The following FLG variants were observed in gnomAD, a reference collection of about 807,000 sequenced individuals.
The protein encoded by FLG is filaggrin, also known as epidermal filaggrin.
Under a neutral mutation model 3.8 loss-of-function variants are expected in FLG, and 6 were observed. The observed-to-expected ratio is 1.60, with a 90% CI of 0.87 to 3.15. The LOEUF (loss-of-function observed/expected upper bound fraction) is 3.15. Ranked by LOEUF, FLG falls within the 30% of genes most tolerant of loss-of-function variation. The probability of loss-of-function intolerance (pLI) is 0.00; values close to 1 mark genes in which losing one functional copy is unlikely to be tolerated. For synonymous variants in FLG, 2,551 were observed against 1,931.6 expected (o/e 1.32, Z -8.41); for missense variants, 7,595 against 5,050.9 (o/e 1.50, Z -15.27).
At position 152,309,971 on chromosome 1, in the gene FLG, C is replaced by G. The variant is rs1395333375; in HGVS notation, c.4915G>C (p.Asp1639His). 10 of 1,613,982 alleles carry G rather than the reference C, an allele frequency of 6.2e-6. No homozygotes were observed. Among genetic ancestry groups the G allele is most frequent in the Non-Finnish European group, 8.5e-6 (10 of 1,180,036 alleles). ...GSRNPRSHQE[D>H]RASHGHSAES... ...GCAGAGTGCCCATGACTGGCTCTAT[C>G]TTCTTGATGGGACCTGGGGTTCCTG... is the stretch of plus-strand genomic sequence containing the variant. Residue 1639 changes from aspartate (D) to histidine (H), a missense_variant, in exon 3 of 3, where the codon GAT (aspartate) becomes CAT (histidine). By Grantham distance (81) the Asp-to-His change is moderately conservative (BLOSUM62 -1). Coordinates refer to ENST00000368799, the MANE Select transcript of FLG (RefSeq NM_002016.2).
At position 152,307,634 on chromosome 1, in the gene FLG, C is replaced by T. The variant is rs138488969; in HGVS notation, c.7252G>A (p.Val2418Met). The change falls in exon 3 of 3, where the codon GTG becomes ATG. Residue 2418 changes from valine to methionine, a missense_variant. Val to Met is a conservative substitution (Grantham distance 21, BLOSUM62 1). Coordinates refer to ENST00000368799, the MANE Select transcript of FLG (RefSeq NM_002016.2). ...GACTCAGACTGTTCATGAGTGCTCA[C>T]CTGGTAGAGGAAAGACCCTGAACGT... is the stretch of plus-strand genomic sequence containing the variant. ...SGRSGSFLYQ[V>M]STHEQSESAH... is the part of the protein sequence containing the mutation. 0.019 allele frequency: 31,170 copies of T among 1,613,494 alleles called. 441 individuals are homozygous for T. Among genetic ancestry groups the T allele is most frequent in the Non-Finnish European group, 0.023 (27,546 of 1,179,854 alleles).
At chr1:152,316,368 C>G (rs1016457239) in intron 1 of FLG, among the ~76,000 whole-genome samples, 3 of 151,598 alleles carry the variant, frequency 2.0e-5, no homozygotes, top group Admixed American at 6.6e-5. Context: ...TTTATAATTT[C>G]TAAACCATTA....
chr1:152,308,345 G>A lies in FLG; in HGVS notation c.6541C>T (p.Arg2181Cys), dbSNP rs779595360. Residue 2181 changes from arginine (R) to cysteine (C), a missense_variant, in exon 3 of 3, where the codon CGT becomes TGT. Physicochemically the swap from Arg to Cys is radical, Grantham distance 180. Coordinates refer to ENST00000368799, the MANE Select transcript of FLG (RefSeq NM_002016.2). ...GCACTTCTGGATCCTGACTGCCCAC[G>A]GGAGGCATCAGACCTTCCCTGGGAT... ...TTSQGRSDAS[R>C]GQSGSRSASR... 1.9e-5 allele frequency: 30 copies of A among 1,613,560 alleles called. No individual in the cohort carries two copies. The highest frequency in any genetic ancestry group is 6.6e-5 in the South Asian group (6 of 91,044).
Position 152,313,536 on chromosome 1 carries a change from G to A in FLG, c.1350C>T (p.His450=). 1.2e-6 allele frequency: 2 copies of A among 1,613,628 alleles called. No individual in the cohort carries two copies. The highest frequency in any genetic ancestry group is 1.7e-6 in the Non-Finnish European group (2 of 1,179,848). Reference sequence around the variant, plus strand: ...CTGACCGGCCACGTGTGGACTCTTGGTGGCTCTGCTGTCTCAGCCCAGCCT... The same window carrying A: ...CTGACCGGCCACGTGTGGACTCTTGATGGCTCTGCTGTCTCAGCCCAGCCT... ...HGKAGLRQQS[H]QESTRGRSGE... Residue 450 remains histidine, a synonymous_variant, in exon 3 of 3, where the codon CAC becomes CAT. Coordinates refer to ENST00000368799, the MANE Select transcript of FLG (RefSeq NM_002016.2).
Position 152,309,961 on chromosome 1 carries a change from C to G in FLG, c.4925G>C (p.Ser1642Thr). Residue 1642 changes from serine (S) to threonine (T), a missense_variant, in exon 3 of 3, where the codon AGT becomes ACT. Ser to Thr is a moderately conservative substitution (Grantham distance 58, BLOSUM62 1). Transcript: ENST00000368799. ...GGAGCTCTCTGCAGAGTGCCCATGA[C>G]TGGCTCTATCTTCTTGATGGGACCT... is the stretch of plus-strand genomic sequence containing the variant. ...NPRSHQEDRASHGHSAESSRQ... is the reference protein window; with the variant it reads ...NPRSHQEDRATHGHSAESSRQ... The G allele has an allele frequency of 2.5e-6, 4 of 1,614,090 alleles. No individual in the cohort carries two copies. The highest frequency in any genetic ancestry group is 1.3e-5 in the African/African-American group (1 of 75,006).
rs568358159 is a variant in FLG at position 152,319,063 on chromosome 1, T to C, written c.-21-3586A>G. 4.6e-5 allele frequency among the ~76,000 whole-genome samples: 7 copies of C among 151,736 alleles called. No homozygotes were observed. The South Asian group carries it at 1.2e-3, about 27-fold the overall frequency. Reference sequence around the variant, plus strand: ...AAATCAGCTTGTCATGTTAGAGATATAGAAAAAGACCAACTCAGTTAGAAA... The same window carrying C: ...AAATCAGCTTGTCATGTTAGAGATACAGAAAAAGACCAACTCAGTTAGAAA... On this transcript the variant is annotated intron_variant, in intron 1 of 2. Coordinates refer to ENST00000368799, the MANE Select transcript of FLG (RefSeq NM_002016.2).
chr1:152,322,853 T>C (rs1483266561), intron 1 of FLG, among the ~76,000 whole-genome samples: 3 of 151,430 alleles, frequency 2.0e-5, no homozygotes, highest in African/African-American at 7.3e-5. Flanking sequence ...TCTGAAGTTT[T>C]TTTAAAAAAT....
Position 152,304,928 on chromosome 1 carries a change from G to A in FLG, c.9958C>T (p.Arg3320Cys), listed in dbSNP as rs770664817. 6.2e-6 allele frequency: 10 copies of A among 1,613,684 alleles called. No individual in the cohort carries two copies. The highest frequency in any genetic ancestry group is 7.6e-6 in the Non-Finnish European group (9 of 1,179,950). ...ADSSRHSGIP[R>C]GQASSAVRDS... Reference sequence around the variant, plus strand: ...CTGACTGCAGATGAAGCTTGTCCACGCGGAATGCCTGAGTGTCTGGAGCTG... The same window carrying A: ...CTGACTGCAGATGAAGCTTGTCCACACGGAATGCCTGAGTGTCTGGAGCTG... Residue 3320 changes from arginine (R) to cysteine (C), a missense_variant, in exon 3 of 3, where the codon CGT (arginine) becomes TGT (cysteine). Arg to Cys is a radical substitution (Grantham distance 180). Transcript: ENST00000368799.
chr1:152,302,432 C>T lies in FLG; in HGVS notation c.*268G>A. 4.4e-6 allele frequency: 2 copies of T among 453,996 alleles called. No individual in the cohort carries two copies. The highest frequency in any genetic ancestry group is 5.5e-5 in the South Asian group (2 of 36,226). The allele number at this position is 453,996 out of a possible 1,614,324, so 28.1% of individuals were successfully genotyped here. On this transcript the variant is annotated 3_prime_UTR_variant, in exon 3 of 3. Coordinates refer to ENST00000368799, the MANE Select transcript of FLG (RefSeq NM_002016.2). ...TCAAAAACATAAAACATTACTTGACCCAGAATCTCCTAAAATACTCCAGCT... is the reference window on the plus strand; with the variant it reads ...TCAAAAACATAAAACATTACTTGACTCAGAATCTCCTAAAATACTCCAGCT...
rs1434687540 is a variant in FLG, at chr1:152,310,658, C to A, written c.4228G>T (p.Val1410Leu). 1 of 1,614,092 alleles carries A rather than the reference C, an allele frequency of 6.2e-7. No homozygotes were observed. Among genetic ancestry groups the A allele is most frequent in the South Asian group, 1.1e-5 (1 of 91,076 alleles). Residue 1410 changes from valine (V) to leucine (L), a missense_variant, in exon 3 of 3, where the codon GTG becomes TTG. Coordinates refer to ENST00000368799, the MANE Select transcript of FLG (RefSeq NM_002016.2). ...GGCCCAGCTTGTCCGTGGGCTGACA[C>A]TGACTGTGTGTCTGAGTCTTCTGAA... Reference protein sequence around the residue: ...GHSEDSDTQSVSAHGQAGPHQ... With the variant: ...GHSEDSDTQSLSAHGQAGPHQ...
Position 152,309,499 on chromosome 1 carries a change from T to A in FLG, c.5387A>T (p.Gln1796Leu). 1 of 1,613,938 alleles carries A rather than the reference T, an allele frequency of 6.2e-7. No individual in the cohort carries two copies. The highest frequency in any genetic ancestry group is 1.1e-5 in the South Asian group (1 of 91,062). ...TGAGTGCCTGGAGCTGTCTCGTGCC[T>A]GCTCGTGGCGGGATCTTTGTCTTCC... ...TGGRQRSRHE[Q>L]ARDSSRHSAS... The change falls in exon 3 of 3, where the codon CAG becomes CTG. Residue 1796 changes from glutamine to leucine, a missense_variant. Physicochemically the swap from Gln to Leu is moderately radical, Grantham distance 113. Coordinates refer to ENST00000368799, the MANE Select transcript of FLG (RefSeq NM_002016.2).
At position 152,313,206 on chromosome 1, in the gene FLG, C is replaced by T; in HGVS notation, c.1680G>A (p.Gly560=). Residue 560 remains glycine (G), a synonymous_variant, in exon 3 of 3, where the codon GGG becomes GGA. Transcript: ENST00000368799. ...TGCTTGCACTTCTGGATCCTGACTG[C>T]CCATGGGAGGCATCAGACCTTCCCT... ...TSQGRSDASH[G]QSGSRSASRQ... 6.2e-7 allele frequency: 1 copy of T among 1,613,814 alleles called. No individual in the cohort carries two copies. The highest frequency in any genetic ancestry group is 8.5e-7 in the Non-Finnish European group (1 of 1,179,996).
In FLG at chr1:152,308,373, G is replaced by C; in HGVS notation, c.6513C>G (p.Thr2171=). 1 of 1,613,430 alleles carries C rather than the reference G, an allele frequency of 6.2e-7. No individual in the cohort carries two copies. The highest frequency in any genetic ancestry group is 1.1e-5 in the South Asian group (1 of 91,052). Residue 2171 remains threonine (T), a synonymous_variant, in exon 3 of 3, where the codon ACC becomes ACG. Transcript: ENST00000368799. The stretch of plus-strand genomic sequence containing the variant: ...AGGCATCAGACCTTCCCTGGGATGT[G>C]GTGTGGCTGTGATGAGACCCTGAGT... ...SGHSGSHHSH[T]TSQGRSDASR... is the part of the protein sequence containing the mutation.
rs1652262237 is a variant in FLG, at chr1:152,309,819, T to C, written c.5067A>G (p.Ala1689=). 2 of 1,614,126 alleles carry C rather than the reference T, an allele frequency of 1.2e-6. No individual in the cohort carries two copies. Among genetic ancestry groups the C allele is most frequent in the East Asian group, 2.2e-5 (1 of 44,844 alleles). The change falls in exon 3 of 3, where the codon GCA becomes GCG. Residue 1689 remains alanine (A), a synonymous_variant. Coordinates refer to ENST00000368799, the MANE Select transcript of FLG (RefSeq NM_002016.2). ...CAGTGCCTGAGTCTGTGGAGCTGTCTGCTGACTGCTGGTGGCGGGATCCAT... is the reference window on the plus strand; with the variant it reads ...CAGTGCCTGAGTCTGTGGAGCTGTCCGCTGACTGCTGGTGGCGGGATCCAT... ...ERHGSRHQQS[A]DSSTDSGTGR...
At chr1:152,322,233 T>C (rs1174007736) in intron 1 of FLG, among the ~76,000 whole-genome samples, 2 of 151,142 alleles carry the variant, frequency 1.3e-5, no homozygotes, top group Non-Finnish European at 3.0e-5. Flanking sequence ...ATGTATAGTA[T>C]CATCCTATTT....
In FLG at chr1:152,308,263, G is replaced by T. The variant is rs80152591; in HGVS notation, c.6623C>A (p.Ser2208Ter). The change falls in exon 3 of 3, where the codon TCG becomes TAG. Residue 2208 changes from serine (S) to a stop codon, truncating the protein, a stop_gained. Transcript: ENST00000368799. LOFTEE classifies it low-confidence loss of function (END_TRUNC). ...CCAAGAGGAAGCTTCATGATGATGCGACCCTGAGTGCCTAGAGCCATCTCC... is the reference window on the plus strand; with the variant it reads ...CCAAGAGGAAGCTTCATGATGATGCTACCCTGAGTGCCTAGAGCCATCTCC... Reference protein sequence around the residue: ...QSGDGSRHSGSHHHEASSWAD... With the variant: ...QSGDGSRHSG 2 of 1,613,056 alleles carry T rather than the reference G, an allele frequency of 1.2e-6. No homozygotes were observed. The highest frequency in any genetic ancestry group is 1.7e-6 in the Non-Finnish European group (2 of 1,179,320).
At chr1:152,314,845 A>ATTTT in intron 2 of FLG, 98 bp from the exon 3 acceptor site, 1 of 1,482,850 alleles carries the variant, frequency 6.7e-7, no homozygotes, top group Non-Finnish European at 9.2e-7. Flanking sequence ...ATCTTTGAGT[A>ATTTT]TTAAAAAGTG....
chr1:152,313,795 G>A lies in FLG; in HGVS notation c.1091C>T (p.Ser364Phe). The A allele has an allele frequency of 1.9e-6, 3 of 1,614,160 alleles. No homozygotes were observed. Among genetic ancestry groups the A allele is most frequent in the Non-Finnish European group, 2.5e-6 (3 of 1,180,008 alleles). The part of the protein sequence containing the change: ...RQSGTRHAET[S>F]SRGQTASSHE... ...GGATGATGCAGTCTGTCCACGAGAG[G>A]AAGTCTCTGCGTGACGAGTGCCTGA... Residue 364 changes from serine to phenylalanine, a missense_variant, in exon 3 of 3, where the codon TCC becomes TTC. Physicochemically the swap from Ser to Phe is radical, Grantham distance 155 (BLOSUM62 -2). Coordinates refer to ENST00000368799, the MANE Select transcript of FLG (RefSeq NM_002016.2).
intron 2 of FLG, 45 bp downstream of exon 2, chr1:152,315,274 G>A (rs750131956): frequency 5.0e-6 from 8 of 1,590,140 alleles, no homozygotes; most frequent in Middle Eastern, 3.3e-4. Flanking sequence ...GATTATTGAT[G>A]AGAAAAACAA....
Sources: gnomAD v4.1 joint callset for allele counts (sites outside exome capture counted in the v4.1 genomes callset) on GRCh38, gnomAD v4.1.1 for gene constraint, MANE v1.5 for transcripts, NCBI Gene and HGNC (gene_info 2026-07-23, HGNC 2026-07-21) for gene names.